The following PEMT variants were observed in gnomAD, a reference collection of about 807,000 sequenced individuals.
PEMT encodes phospholipid methyltransferase.
A neutral mutation model predicts 27.4 loss-of-function variants in PEMT; 23 were observed. The ratio of observed to expected loss-of-function variants is 0.84; its 90% CI spans 0.60 to 1.19. PEMT has a LOEUF of 1.19. Ranked by LOEUF, PEMT falls within the 50% of genes most tolerant of loss-of-function variation. PEMT has a pLI of 0.00. For missense variants in PEMT, 307 were observed against 310.1 expected (o/e 0.99, Z 0.07); for synonymous variants, 137 against 139.1 (o/e 0.98, Z 0.11).
intron 2 of PEMT, among the ~76,000 whole-genome samples, chr17:17,550,308 C>T (rs974180914): frequency 3.9e-5 from 6 of 152,108 alleles, no homozygotes; most frequent in African/African-American, 1.2e-4. Flanking sequence ...TCTCTGGGGA[C>T]GATCTTCACA....
In PEMT at chr17:17,505,617, G is replaced by A. The variant is rs1905759142; in HGVS notation, c.*174C>T. 1 of 560,360 alleles carries A rather than the reference G, an allele frequency of 1.8e-6. No individual in the cohort carries two copies. Among genetic ancestry groups the A allele is most frequent in the Admixed American group, 3.9e-5 (1 of 25,508 alleles). The allele number at this position is 560,360 out of a possible 1,614,324, so 34.7% of individuals were successfully genotyped here. On this transcript the variant is annotated 3_prime_UTR_variant, in exon 7 of 7. Transcript: ENST00000255389. Reference sequence around the variant, plus strand: ...GGGAATGTGTGGGTTGGAGCTCAATGGCCATATGTCGGCACGTCCAGGGTC... The same window carrying A: ...GGGAATGTGTGGGTTGGAGCTCAATAGCCATATGTCGGCACGTCCAGGGTC...
intron 3 of PEMT, chr17:17,518,082 C>G (rs1336703627): frequency 1.0e-6 from 1 of 985,420 alleles, no homozygotes; most frequent in Non-Finnish European, 1.2e-6. Flanking sequence ...CCTCTCCCCT[C>G]AGAAGACCCA....
intron 2 of PEMT, among the ~76,000 whole-genome samples, chr17:17,548,697 C>T (rs1295914991): frequency 6.6e-6 from 1 of 152,102 alleles, no homozygotes; most frequent in African/African-American, 2.4e-5. Flanking sequence ...TACAGGCATG[C>T]ACCACCACGC....
chr17:17,590,057 G>A (rs1912513118), intron 1 of PEMT, among the ~76,000 whole-genome samples: 1 of 141,864 alleles, frequency 7.0e-6, no homozygotes, highest in East Asian at 2.1e-4. Flanking sequence ...CTTCTACATG[G>A]CTCCCCCACC....
chr17:17,592,080 ACACACGCCCAGGGCCC>A (rs70953700), upstream of PEMT: 91 of 985,286 alleles, frequency 9.2e-5, 1 homozygote, highest in Admixed American at 2.5e-4. Flanking sequence ...GGCCCGGGTC[ACACACGCCCAGGGCCC>A]CACACGCCCA....
At chr17:17,548,957 C>T (rs1909453380) in intron 2 of PEMT, among the ~76,000 whole-genome samples, 1 of 152,134 alleles carries the variant, frequency 6.6e-6, no homozygotes, top group South Asian at 2.1e-4. Context: ...CAGGCCACAT[C>T]TCCTCAGCAG....
chr17:17,560,133 C>T (rs1910369095), intron 2 of PEMT, among the ~76,000 whole-genome samples: 1 of 152,246 alleles, frequency 6.6e-6, no homozygotes, highest in Admixed American at 6.5e-5. Flanking sequence ...ACACTGTGCA[C>T]TCCTTGACCA....
chr17:17,522,322 A>C lies in PEMT; in HGVS notation c.278T>G (p.Leu93Arg). Residue 93 changes from leucine to arginine, a missense_variant, in exon 3 of 7, where the codon CTA (leucine) becomes CGA (arginine). Physicochemically the swap from Leu to Arg is moderately radical, Grantham distance 102. Coordinates refer to ENST00000255389, the MANE Select transcript of PEMT (RefSeq NM_148172.3). ...GTTCAGGAGCAGGATGGTGACGCTT[A>C]GAGAGTAGCAGGCCAGGTAGGGGGA... is the stretch of plus-strand genomic sequence containing the variant. ...FGSPYLACYSLSVTILLLNFL... is the reference protein window; with the variant it reads ...FGSPYLACYSRSVTILLLNFL... 5 of 1,613,854 alleles carry C rather than the reference A, an allele frequency of 3.1e-6. No homozygotes were observed. Among genetic ancestry groups the C allele is most frequent in the Non-Finnish European group, 4.2e-6 (5 of 1,179,894 alleles).
In PEMT at chr17:17,582,042, G is replaced by A. The variant is rs1265892676; in HGVS notation, c.97-5015C>T. ...GACGTGAGCAGAGTAGGAGAGTCCT[G>A]GGTCCCACATCCAGGCTCTGCCTCC... is the stretch of plus-strand genomic sequence containing the variant. On this transcript the variant is annotated intron_variant, in intron 1 of 6. Transcript: ENST00000255389. This position sits in a 1 kb window ranked among gnomAD's most constrained non-coding sequence, Gnocchi z 4.9. Among the ~76,000 whole-genome samples, 1 of 152,152 alleles carries A rather than the reference G, an allele frequency of 6.6e-6. No individual in the cohort carries two copies. Among genetic ancestry groups the A allele is most frequent in the African/African-American group, 2.4e-5 (1 of 41,444 alleles).
intron 2 of PEMT, among the ~76,000 whole-genome samples, chr17:17,530,501 A>G (rs1482852046): frequency 6.6e-6 from 1 of 152,076 alleles, no homozygotes; most frequent in Non-Finnish European, 1.5e-5. Flanking sequence ...TCCAAAAAAA[A>G]AGAGAGAGAA....
intron 2 of PEMT, among the ~76,000 whole-genome samples, chr17:17,552,064 C>T (rs1293796346): frequency 6.6e-6 from 1 of 152,068 alleles, no homozygotes; most frequent in Non-Finnish European, 1.5e-5. Flanking sequence ...TAGTCAGGCA[C>T]GGTGGTGCGT....
At chr17:17,515,752 C>T (rs958780693) in intron 3 of PEMT, among the ~76,000 whole-genome samples, 3 of 152,224 alleles carry the variant, frequency 2.0e-5, no homozygotes, top group Non-Finnish European at 2.9e-5. Context: ...TCTGTGACCA[C>T]AAGCTCCCTA....
At chr17:17,520,760 A>AGCC (rs1907205072) in intron 3 of PEMT, among the ~76,000 whole-genome samples, 1 of 152,238 alleles carries the variant, frequency 6.6e-6, no homozygotes, top group African/African-American at 2.4e-5. Context: ...AGGCCTAGAG[A>AGCC]AAGCAGGCAG....
At position 17,513,268 on chromosome 17, in the gene PEMT, C is replaced by T. The variant is rs998400309; in HGVS notation, c.321-614G>A. On this transcript the variant is annotated intron_variant, in intron 3 of 6. Transcript: ENST00000255389. The surrounding 1 kb of genome is among the most constrained non-coding windows in gnomAD (Gnocchi z 4.1). ...TCCACACCTGAATTCCCCCACTAGGCTCCCTTTGGGGCCAAACCACTGAAG... is the reference window on the plus strand; with the variant it reads ...TCCACACCTGAATTCCCCCACTAGGTTCCCTTTGGGGCCAAACCACTGAAG... Among the ~76,000 whole-genome samples the T allele has an allele frequency of 1.3e-5, 2 of 152,228 alleles. No individual in the cohort carries two copies. Among genetic ancestry groups the T allele is most frequent in the African/African-American group, 4.8e-5 (2 of 41,458 alleles).
At chr17:17,559,449 G>A (rs1006451910) in intron 2 of PEMT, among the ~76,000 whole-genome samples, 9 of 152,214 alleles carry the variant, frequency 5.9e-5, no homozygotes, top group Admixed American at 2.6e-4. Context: ...GAGGCCTGTC[G>A]GGGAAGGGAA....
chr17:17,570,706 A>G (rs1181712901), intron 2 of PEMT: 1 of 985,220 alleles, frequency 1.0e-6, no homozygotes, highest in Non-Finnish European at 1.2e-6. Context: ...GGACAGGGGA[A>G]AAGTTCCATT....
intron 2 of PEMT, among the ~76,000 whole-genome samples, chr17:17,567,087 A>T (rs1000751714): frequency 5.3e-5 from 8 of 152,192 alleles, no homozygotes; most frequent in Non-Finnish European, 1.2e-4. Context: ...TCATCCAGGG[A>T]AGACACGCTT....
At chr17:17,573,922 C>T (rs987332802) in intron 2 of PEMT, among the ~76,000 whole-genome samples, 3 of 152,100 alleles carry the variant, frequency 2.0e-5, no homozygotes, top group Non-Finnish European at 2.9e-5. Context: ...GCTGGGACTA[C>T]AGGTGCACAC....
At chr17:17,568,461 G>A (rs962611776) in intron 2 of PEMT, among the ~76,000 whole-genome samples, 2 of 152,206 alleles carry the variant, frequency 1.3e-5, no homozygotes, top group Non-Finnish European at 2.9e-5. Flanking sequence ...GTCCCGTCCC[G>A]GCACAGAGCT....
Sources: gnomAD v4.1 joint callset for allele counts (sites outside exome capture counted in the v4.1 genomes callset) on GRCh38, gnomAD v4.1.1 for gene constraint, Gnocchi (gnomAD v3.1) non-coding constraint, MANE v1.5 for transcripts, NCBI Gene and HGNC (gene_info 2026-07-23, HGNC 2026-07-21) for gene names.